Variants in NKAIN3 observed in about 807,000 individuals in gnomAD.
NKAIN3 encodes sodium/potassium-transporting ATPase subunit beta-1-interacting protein 3.
NKAIN3 carries 25 observed loss-of-function variants against 30.2 expected under a neutral mutation model. The ratio of observed to expected loss-of-function variants is 0.83; its 90% CI spans 0.60 to 1.16. The LOEUF (loss-of-function observed/expected upper bound fraction) is 1.16, where lower values mean the gene tolerates loss of function less well. Among genes scored for constraint, NKAIN3 ranks in the 50% most tolerant of loss-of-function variants. The pLI is 0.00. For synonymous variants in NKAIN3, 91 were observed against 89.6 expected, an observed-to-expected ratio of 1.02 and a Z score of -0.09; for missense variants, 225 against 254.1, an observed-to-expected ratio of 0.89 and a Z score of 0.78.
At chr8:62,354,737 C>G (rs1295740426) in intron 1 of NKAIN3, among the ~76,000 whole-genome samples, 3 of 152,202 alleles carry the variant, frequency 2.0e-5, no homozygotes, top group Admixed American at 1.3e-4. Flanking sequence ...GCCACCGCGC[C>G]AGGCCGACAG....
intron 5 of NKAIN3, among the ~76,000 whole-genome samples, chr8:62,937,062 G>A (rs1427384275): frequency 6.6e-6 from 1 of 151,826 alleles, no homozygotes; most frequent in African/African-American, 2.4e-5. Context: ...CATATCATGT[G>A]AGGTAGAAAT....
intron 1 of NKAIN3, among the ~76,000 whole-genome samples, chr8:62,333,761 A>G (rs942382534): frequency 6.6e-6 from 1 of 152,128 alleles, no homozygotes; most frequent in African/African-American, 2.4e-5. Flanking sequence ...GGGCCCTAGT[A>G]TCATTATCTG....
At chr8:62,250,811 T>C (rs1812077601) in intron 1 of NKAIN3, among the ~76,000 whole-genome samples, 1 of 152,190 alleles carries the variant, frequency 6.6e-6, no homozygotes, top group African/African-American at 2.4e-5. Context: ...TCAAAGCTTA[T>C]CTTAAAATTC....
At chr8:62,332,155 G>A (rs998578016) in intron 1 of NKAIN3, among the ~76,000 whole-genome samples, 2 of 152,088 alleles carry the variant, frequency 1.3e-5, no homozygotes, top group African/African-American at 2.4e-5. Context: ...AATCATAAAT[G>A]CTTCAGAAAT....
intron 5 of NKAIN3, among the ~76,000 whole-genome samples, chr8:62,995,495 T>G (rs991939066): frequency 6.6e-6 from 1 of 151,652 alleles, no homozygotes; most frequent in Non-Finnish European, 1.5e-5. Flanking sequence ...CACTGCTCTG[T>G]GTCTGTTGTG....
chr8:62,924,480 T>C (rs1822378164), intron 5 of NKAIN3, among the ~76,000 whole-genome samples: 2 of 152,200 alleles, frequency 1.3e-5, no homozygotes, highest in African/African-American at 4.8e-5. Context: ...AGTCAATGTA[T>C]GAACAAATGG....
intron 4 of NKAIN3, among the ~76,000 whole-genome samples, chr8:62,849,201 C>CTT (rs144491515): frequency 0.082 from 12,469 of 151,408 alleles, 569 homozygotes; most frequent in South Asian, 0.14. Context: ...GGAGTCCCTC[C>CTT]TTTTCAATTT....
intron 3 of NKAIN3, among the ~76,000 whole-genome samples, chr8:62,746,026 A>G (rs1019646400): frequency 1.1e-4 from 17 of 152,212 alleles, no homozygotes; most frequent in African/African-American, 4.1e-4. Flanking sequence ...CACAAAATTG[A>G]TAGCTTAAAC....
Position 62,862,112 on chromosome 8 carries a change from A to G in NKAIN3, c.472-56341A>G, listed in dbSNP as rs140613595. On this transcript the variant is annotated intron_variant, in intron 4 of 6. Coordinates refer to ENST00000623646, the MANE Select transcript of NKAIN3 (RefSeq NM_001304533.3). The stretch of plus-strand genomic sequence containing the variant: ...TCATTAAAAACTATGCAGTGCCATT[A>G]TAAAAACAATATTAATAAAACTAGA... Among the ~76,000 whole-genome samples, 760 of 152,318 alleles carry G rather than the reference A, an allele frequency of 5.0e-3. 7 individuals carry two copies. The highest frequency in any genetic ancestry group is 0.018 in the African/African-American group (729 of 41,574).
At chr8:62,942,817 C>T (rs1284564903) in intron 5 of NKAIN3, among the ~76,000 whole-genome samples, 3 of 151,974 alleles carry the variant, frequency 2.0e-5, no homozygotes, top group Non-Finnish European at 2.9e-5. Flanking sequence ...CTGGGATAAT[C>T]GGCAACTCAC....
At chr8:62,855,036 T>C (rs1048696968) in intron 4 of NKAIN3, 2 of 153,402 alleles carry the variant, frequency 1.3e-5, no homozygotes, top group Non-Finnish European at 2.9e-5. Context: ...GAAATTCTTT[T>C]CTTTTTTTTA....
At chr8:62,737,727 A>T (rs963212832) in intron 3 of NKAIN3, among the ~76,000 whole-genome samples, 4 of 152,196 alleles carry the variant, frequency 2.6e-5, no homozygotes, top group Non-Finnish European at 5.9e-5. Context: ...TTTTTTAGTC[A>T]GAATTGTGTA....
chr8:62,273,693 T>G (rs933872878), intron 1 of NKAIN3, among the ~76,000 whole-genome samples: 2 of 152,202 alleles, frequency 1.3e-5, no homozygotes, highest in African/African-American at 4.8e-5. Flanking sequence ...TAGGAAATCA[T>G]CTGTTTACTT....
At chr8:62,458,394 A>T (rs1805887037) in intron 1 of NKAIN3, among the ~76,000 whole-genome samples, 1 of 152,218 alleles carries the variant, frequency 6.6e-6, no homozygotes, top group Admixed American at 6.5e-5. Context: ...ATCACATCAA[A>T]ACCTATTTGT....
At chr8:62,397,597 T>C (rs1585762067) in intron 1 of NKAIN3, among the ~76,000 whole-genome samples, 2 of 152,212 alleles carry the variant, frequency 1.3e-5, no homozygotes, top group South Asian at 2.1e-4. Flanking sequence ...CCCAATTAGT[T>C]CTCTATCCAC....
intron 1 of NKAIN3, among the ~76,000 whole-genome samples, chr8:62,550,861 A>C (rs1395616451): frequency 1.3e-5 from 2 of 152,200 alleles, no homozygotes; most frequent in Admixed American, 6.5e-5. Context: ...AATTCCTAGT[A>C]TATTTCTAAA....
intron 1 of NKAIN3, among the ~76,000 whole-genome samples, chr8:62,301,187 T>G (rs1407111621): frequency 6.6e-6 from 1 of 150,594 alleles, no homozygotes; most frequent in Non-Finnish European, 1.5e-5. Context: ...GAAATCATTC[T>G]AATATTCACT....
At chr8:62,315,930 A>T (rs1412338539) in intron 1 of NKAIN3, among the ~76,000 whole-genome samples, 1 of 152,182 alleles carries the variant, frequency 6.6e-6, no homozygotes, top group African/African-American at 2.4e-5. Context: ...TGTAGTTGCC[A>T]TAATCCCACA....
chr8:62,824,020 T>C (rs1260440727), intron 4 of NKAIN3, among the ~76,000 whole-genome samples: 1 of 152,170 alleles, frequency 6.6e-6, no homozygotes, highest in African/African-American at 2.4e-5. Context: ...TGAACTGCTA[T>C]GCAATCTTAA....
Sources: allele counts gnomAD v4.1 joint callset (sites outside exome capture counted in the v4.1 genomes callset), GRCh38; gene constraint gnomAD v4.1.1; transcripts MANE v1.5; gene names NCBI Gene and HGNC (gene_info 2026-07-23, HGNC 2026-07-21).